CSTPP1: variants seen among roughly 807,000 people sequenced by gnomAD.
CSTPP1 encodes UPF0705 protein C11orf49.
the CSTPP1 span, among the ~76,000 whole-genome samples, chr11:47,123,935 A>G: frequency 1.5e-5 from 2 of 131,260 alleles, no homozygotes; most frequent in Non-Finnish European, 3.3e-5. Context: ...CTGGGTGACA[A>G]GAGTGACTCT....
chr11:47,038,007 G>A, the CSTPP1 span, among the ~76,000 whole-genome samples: 1 of 122,532 alleles, frequency 8.2e-6, no homozygotes, highest in African/African-American at 2.5e-5. Flanking sequence ...TGGACGGGGC[G>A]GCTGGCCGGG....
the CSTPP1 span, chr11:47,041,355 G>T: frequency 2.0e-5 from 5 of 248,758 alleles, 1 homozygote; most frequent in Non-Finnish European, 4.2e-5. Flanking sequence ...ATCTACTCAG[G>T]GCCCTTGAAC....
At chr11:47,086,668 G>A in the CSTPP1 span, among the ~76,000 whole-genome samples, 1 of 152,082 alleles carries the variant, frequency 6.6e-6, no homozygotes, top group Non-Finnish European at 1.5e-5. Context: ...ATGATGTTAG[G>A]CAAGTTATTA....
the CSTPP1 span, chr11:47,109,027 A>G: frequency 6.6e-6 from 1 of 152,116 alleles, no homozygotes; most frequent in Non-Finnish European, 1.5e-5. Context: ...TTATAGGGTG[A>G]TAATTGGCCT....
At chr11:47,077,766 A>G in the CSTPP1 span, among the ~76,000 whole-genome samples, 1 of 152,190 alleles carries the variant, frequency 6.6e-6, no homozygotes, top group Non-Finnish European at 1.5e-5. Flanking sequence ...AGAAGGCTCT[A>G]GGAGGAATTT....
chr11:47,069,090 AG>A, the CSTPP1 span, among the ~76,000 whole-genome samples: 3 of 152,216 alleles, frequency 2.0e-5, no homozygotes, highest in Non-Finnish European at 2.9e-5. Context: ...TTTAAATAAA[AG>A]TATGTTTTTA....
chr11:46,983,838 A>G, the CSTPP1 span, among the ~76,000 whole-genome samples: 1 of 152,192 alleles, frequency 6.6e-6, no homozygotes, highest in Admixed American at 6.5e-5. Context: ...AGAGCTTCGC[A>G]CTTGGCTGTT....
chr11:47,087,059 G>A, the CSTPP1 span, among the ~76,000 whole-genome samples: 1 of 152,124 alleles, frequency 6.6e-6, no homozygotes, highest in African/African-American at 2.4e-5. Flanking sequence ...GATATAGGCT[G>A]GTTGAATAGT....
At chr11:46,992,870 C>G in the CSTPP1 span, among the ~76,000 whole-genome samples, 1 of 152,128 alleles carries the variant, frequency 6.6e-6, no homozygotes, top group Non-Finnish European at 1.5e-5. Flanking sequence ...TAAAAATGTT[C>G]CTATTTCTCC....
chr11:46,998,666 C>T, the CSTPP1 span, among the ~76,000 whole-genome samples: 1 of 152,102 alleles, frequency 6.6e-6, no homozygotes, highest in Non-Finnish European at 1.5e-5. Context: ...ATGGAAGCTC[C>T]TGAGTTTACT....
chr11:47,137,248 T>A, the CSTPP1 span: 1 of 1,286,342 alleles, frequency 7.8e-7, no homozygotes, highest in Non-Finnish European at 1.0e-6. Flanking sequence ...GGGCATGTGG[T>A]GGGAAACGTT....
At chr11:46,979,758 C>T in the CSTPP1 span, among the ~76,000 whole-genome samples, 1 of 152,080 alleles carries the variant, frequency 6.6e-6, no homozygotes, top group Non-Finnish European at 1.5e-5. Flanking sequence ...ACTAAAAGTA[C>T]AAAAATTAGC....
At chr11:47,122,098 A>ATATATATATG in the CSTPP1 span, among the ~76,000 whole-genome samples, 3 of 122,782 alleles carry the variant, frequency 2.4e-5, no homozygotes, top group Admixed American at 8.3e-5. Flanking sequence ...AAAAATATAT[A>ATATATATATG]TATATATATA....
the CSTPP1 span, among the ~76,000 whole-genome samples, chr11:47,053,268 G>C: frequency 6.6e-6 from 1 of 152,106 alleles, no homozygotes; most frequent in East Asian, 1.9e-4. Flanking sequence ...AAGGAGGTTA[G>C]GGGAGATGAG....
the CSTPP1 span, among the ~76,000 whole-genome samples, chr11:47,153,247 T>C: frequency 6.6e-6 from 1 of 152,144 alleles, no homozygotes; most frequent in Non-Finnish European, 1.5e-5. Context: ...CTTAGTCCTG[T>C]GAACTACTGA....
the CSTPP1 span, among the ~76,000 whole-genome samples, chr11:47,077,201 T>G: frequency 1.3e-5 from 2 of 151,816 alleles, no homozygotes; most frequent in Admixed American, 1.3e-4. Context: ...AAGTTGTTTT[T>G]TTTTTTTTTT....
the CSTPP1 span, among the ~76,000 whole-genome samples, chr11:47,132,259 C>G: frequency 6.6e-6 from 1 of 152,128 alleles, no homozygotes; most frequent in Non-Finnish European, 1.5e-5. Flanking sequence ...GAACTTTTTC[C>G]CTATGAATTT....
At chr11:47,147,697 C>G in the CSTPP1 span, among the ~76,000 whole-genome samples, 254 of 152,212 alleles carry the variant, frequency 1.7e-3, no homozygotes, top group Non-Finnish European at 2.7e-3. Context: ...CAGGTGGTCT[C>G]GGAACTGTGA....
the CSTPP1 span, among the ~76,000 whole-genome samples, chr11:47,056,692 C>A: frequency 6.6e-6 from 1 of 152,152 alleles, no homozygotes; most frequent in African/African-American, 2.4e-5. Flanking sequence ...GTATTCTCAG[C>A]TTTTTCTAGG....
Sources: gnomAD v4.1 joint callset for allele counts (sites outside exome capture counted in the v4.1 genomes callset) on GRCh38, gnomAD v4.1.1 for gene constraint, MANE v1.5 for transcripts, NCBI Gene and HGNC (gene_info 2026-07-23, HGNC 2026-07-21) for gene names.